The following CNTN5 variants were observed in gnomAD, a reference collection of about 807,000 sequenced individuals.
The protein encoded by CNTN5 is contactin-5.
CNTN5 carries 77 observed loss-of-function variants against 129.1 expected under a neutral mutation model. That is an observed-to-expected ratio of 0.60 (90% CI 0.50 to 0.72). The LOEUF is 0.72. Among genes scored for constraint, CNTN5 ranks in the 30% least tolerant of loss-of-function variants. The pLI, the probability that CNTN5 is intolerant of heterozygous loss-of-function variation, is 0.00. For missense variants in CNTN5, 1,478 were observed against 1,328.8 expected (o/e 1.11, Z -1.75); for synonymous variants, 509 against 465.6 (o/e 1.09, Z -1.20).
intron 1 of CNTN5, among the ~76,000 whole-genome samples, chr11:99,196,443 C>T (rs902838534): frequency 3.3e-5 from 5 of 151,862 alleles, no homozygotes; most frequent in Non-Finnish European, 5.9e-5. Flanking sequence ...TTTCTCCTCA[C>T]ATTTTTGTTT....
intron 3 of CNTN5, among the ~76,000 whole-genome samples, chr11:99,577,534 A>G (rs1044400398): frequency 2.0e-5 from 3 of 152,290 alleles, no homozygotes; most frequent in Non-Finnish European, 4.4e-5. Context: ...TTATGCTAAT[A>G]TTGTAGTTTG....
At chr11:99,853,507 C>G (rs1490499018) in intron 6 of CNTN5, among the ~76,000 whole-genome samples, 1 of 152,010 alleles carries the variant, frequency 6.6e-6, no homozygotes, top group Admixed American at 6.5e-5. Context: ...TCAAGCGATT[C>G]TCCTGCCTCA....
intron 1 of CNTN5, among the ~76,000 whole-genome samples, chr11:99,223,205 C>A (rs1860494201): frequency 6.6e-6 from 1 of 152,122 alleles, no homozygotes; most frequent in African/African-American, 2.4e-5. Context: ...CCTGTCCTAC[C>A]TATCTGTGTA....
chr11:99,401,654 C>A (rs1164038227), intron 2 of CNTN5, among the ~76,000 whole-genome samples: 3 of 152,058 alleles, frequency 2.0e-5, no homozygotes, highest in African/African-American at 7.2e-5. Flanking sequence ...TGCATTGAAT[C>A]TGTAGATTGC....
chr11:99,707,951 G>T lies in CNTN5; in HGVS notation c.56-111593G>T, dbSNP rs191542409. Among the ~76,000 whole-genome samples the T allele has an allele frequency of 1.6e-4, 25 of 151,664 alleles. No homozygotes were observed. In the East Asian group the frequency reaches 4.3e-3, roughly 26 times the overall value. The stretch of plus-strand genomic sequence containing the variant: ...TTTAAAAGGTATAAAGCACTTCCAT[G>T]AGTGCTTTTAAGAGAGGTTTTGAAA... On this transcript the variant is annotated intron_variant, in intron 3 of 24. Coordinates refer to ENST00000524871, the MANE Select transcript of CNTN5 (RefSeq NM_014361.4).
At chr11:99,932,454 A>C (rs531360388) in intron 7 of CNTN5, among the ~76,000 whole-genome samples, 2 of 152,188 alleles carry the variant, frequency 1.3e-5, no homozygotes, top group South Asian at 4.1e-4. Flanking sequence ...CAGCCTCCCA[A>C]AGTGCTGGGA....
At chr11:100,055,896 A>G (rs556821374) in intron 9 of CNTN5, among the ~76,000 whole-genome samples, 15 of 151,256 alleles carry the variant, frequency 9.9e-5, no homozygotes, top group Non-Finnish European at 2.1e-4. Context: ...TATATCTATT[A>G]TCTTAGATTG....
In CNTN5 at chr11:99,184,461, A is replaced by G. The variant is rs533967305; in HGVS notation, c.-209-140885A>G. Among the ~76,000 whole-genome samples the G allele has an allele frequency of 3.9e-5, 6 of 152,180 alleles. No homozygotes were observed. The East Asian group carries it at 1.2e-3, about 29-fold the overall frequency. On this transcript the variant is annotated intron_variant, in intron 1 of 24. Coordinates refer to ENST00000524871, the MANE Select transcript of CNTN5 (RefSeq NM_014361.4). ...TAACTGCTATGGGAAATCTTCTCCAATCCTGCCAGCTTTCTTCCTCCAGGC... is the reference window on the plus strand; with the variant it reads ...TAACTGCTATGGGAAATCTTCTCCAGTCCTGCCAGCTTTCTTCCTCCAGGC...
At chr11:99,478,982 TAAACACTAA>T (rs1437868600) in intron 2 of CNTN5, among the ~76,000 whole-genome samples, 1 of 152,126 alleles carries the variant, frequency 6.6e-6, no homozygotes, top group Non-Finnish European at 1.5e-5. Context: ...TTTTAGCCCC[TAAACACTAA>T]ATTGTTTGAA....
At chr11:99,112,937 C>G (rs762431107) in intron 1 of CNTN5, among the ~76,000 whole-genome samples, 5 of 151,728 alleles carry the variant, frequency 3.3e-5, no homozygotes, top group African/African-American at 2.4e-5. Flanking sequence ...TTGTACTAAA[C>G]GTTACAGTGA....
At chr11:99,191,557 G>A (rs1464268199) in intron 1 of CNTN5, among the ~76,000 whole-genome samples, 1 of 151,616 alleles carries the variant, frequency 6.6e-6, no homozygotes, top group Non-Finnish European at 1.5e-5. Context: ...AAGATAAATA[G>A]TATTTTAGGC....
chr11:99,987,561 A>G (rs751969904), intron 8 of CNTN5, among the ~76,000 whole-genome samples: 3 of 151,162 alleles, frequency 2.0e-5, no homozygotes, highest in Non-Finnish European at 3.0e-5. Flanking sequence ...ACACACACAC[A>G]TACATATATG....
rs868452310 is a variant in CNTN5 at position 99,488,806 on chromosome 11, C to T, written c.-70-67339C>T. Among the ~76,000 whole-genome samples the T allele has an allele frequency of 9.2e-5, 14 of 152,214 alleles. No individual in the cohort carries two copies. The Middle Eastern group carries it at 0.01, about 112-fold the overall frequency. Reference sequence around the variant, plus strand: ...GCTGGGTCAGGATAGATTGCTTCTCCTTGGAGGATTAGTCATGTAATTAAC... The same window carrying T: ...GCTGGGTCAGGATAGATTGCTTCTCTTTGGAGGATTAGTCATGTAATTAAC... On this transcript the variant is annotated intron_variant, in intron 2 of 24. Transcript: ENST00000524871.
intron 13 of CNTN5, among the ~76,000 whole-genome samples, chr11:100,087,368 T>C (rs1481960214): frequency 6.6e-6 from 1 of 151,582 alleles, no homozygotes; most frequent in Non-Finnish European, 1.5e-5. Flanking sequence ...AAACTCAAGG[T>C]GTAAATGCTT....
rs756192868 is a variant in CNTN5, at chr11:99,695,738, TAGAA to T, written c.56-123799_56-123796del. 1.3e-3 allele frequency among the ~76,000 whole-genome samples: 199 copies of T among 151,686 alleles called. 1 individual carries two copies. Among genetic ancestry groups the T allele is most frequent in the African/African-American group, 4.2e-3 (172 of 41,374 alleles). ...CAAAATAAATAAACAAATAAATAAA[TAGAA>T]AGAAAGCGAAAAAATAAAACTCTGT... is the stretch of plus-strand genomic sequence containing the variant. On this transcript the variant is annotated intron_variant, in intron 3 of 24. Coordinates refer to ENST00000524871, the MANE Select transcript of CNTN5 (RefSeq NM_014361.4).
chr11:99,062,671 A>AG (rs34892443), intron 1 of CNTN5, among the ~76,000 whole-genome samples: 69,983 of 151,812 alleles, frequency 0.46, 16,451 homozygotes, highest in Non-Finnish European at 0.48. Context: ...CAAGCATTGA[A>AG]GGGGGTACAT....
intron 23 of CNTN5, among the ~76,000 whole-genome samples, chr11:100,342,179 ACAC>A (rs1183948694): frequency 6.7e-6 from 1 of 149,250 alleles, no homozygotes; most frequent in Non-Finnish European, 1.5e-5. Context: ...ACACACACAC[ACAC>A]AAGTCCATCA....
chr11:99,672,494 T>C (rs1953088719), intron 3 of CNTN5, among the ~76,000 whole-genome samples: 1 of 151,734 alleles, frequency 6.6e-6, no homozygotes, highest in Non-Finnish European at 1.5e-5. Flanking sequence ...AAGGCTTACT[T>C]CTCTGATATG....
At chr11:99,811,814 A>C (rs748871678) in intron 3 of CNTN5, among the ~76,000 whole-genome samples, 1 of 152,120 alleles carries the variant, frequency 6.6e-6, no homozygotes, top group Non-Finnish European at 1.5e-5. Context: ...AAATAACTTT[A>C]ACACATGCTC....
Sources: allele counts gnomAD v4.1 joint callset (sites outside exome capture counted in the v4.1 genomes callset), GRCh38; gene constraint gnomAD v4.1.1; transcripts MANE v1.5; gene names NCBI Gene and HGNC (gene_info 2026-07-23, HGNC 2026-07-21).